Variants in MAD1L1 observed in about 807,000 individuals in gnomAD.
MAD1L1 encodes mitotic arrest deficient 1 like 1.
MAD1L1 carries 95 observed loss-of-function variants against 96.9 expected under a neutral mutation model. That is an observed-to-expected ratio of 0.98 (90% CI 0.83 to 1.16). The LOEUF (loss-of-function observed/expected upper bound fraction) is 1.16. Ranked by LOEUF, MAD1L1 falls within the 50% of genes most tolerant of loss-of-function variation. The pLI, the probability that MAD1L1 is intolerant of heterozygous loss-of-function variation, is 0.00. For synonymous variants in MAD1L1, 473 were observed against 396.6 expected (o/e 1.19, Z -2.29); for missense variants, 1,007 against 954.4 (o/e 1.06, Z -0.73).
At chr7:2,105,947 A>C (rs1787067914) in intron 11 of MAD1L1, among the ~76,000 whole-genome samples, 1 of 147,236 alleles carries the variant, frequency 6.8e-6, no homozygotes, top group Non-Finnish European at 1.5e-5. Context: ...CGGCCCCACA[A>C]CCAAAGGGCA....
At chr7:1,855,125 G>A (rs1019385010) in intron 18 of MAD1L1, among the ~76,000 whole-genome samples, 2 of 152,148 alleles carry the variant, frequency 1.3e-5, no homozygotes, top group African/African-American at 2.4e-5. Context: ...CGTGTTTGCC[G>A]GCCGACAGCT....
rs565751848 is a variant in MAD1L1, at chr7:2,114,559, G to A, written c.1073+34593C>T. On this transcript the variant is annotated intron_variant, in intron 11 of 18. Coordinates refer to ENST00000265854, the MANE Select transcript of MAD1L1 (RefSeq NM_001013836.2). This position sits in a 1 kb window ranked among gnomAD's most constrained non-coding sequence, Gnocchi z 4.2. ...CCAAGCCGACGTCACGTGGCAGAAG[G>A]ATCTTCATGAAGATGAGCATGGCTA... Among the ~76,000 whole-genome samples, 26 of 152,268 alleles carry A rather than the reference G, an allele frequency of 1.7e-4. No homozygotes were observed. The highest frequency in any genetic ancestry group is 4.1e-4 in the South Asian group (2 of 4,836).
chr7:2,032,054 C>A (rs1783251275), intron 12 of MAD1L1, among the ~76,000 whole-genome samples: 1 of 152,246 alleles, frequency 6.6e-6, no homozygotes, highest in African/African-American at 2.4e-5. Flanking sequence ...GGGTAACAGG[C>A]AGGCAGCCAG....
chr7:1,992,295 GTCTC>G (rs1333214581), intron 14 of MAD1L1, among the ~76,000 whole-genome samples: 3 of 152,210 alleles, frequency 2.0e-5, no homozygotes, highest in East Asian at 3.8e-4. Flanking sequence ...GATGGGTGGT[GTCTC>G]TCTATGTGGC....
In MAD1L1 at chr7:1,974,848, G is replaced by GCTGGGGAC. The variant is rs896066022; in HGVS notation, c.1505+5597_1505+5604dup. On this transcript the variant is annotated intron_variant, in intron 15 of 18. Coordinates refer to ENST00000265854, the MANE Select transcript of MAD1L1 (RefSeq NM_001013836.2). Reference sequence around the variant, plus strand: ...CAGAGTGTTCGGGTAACCTGAGGATGCTGGGGACCAGGGGACCAGGGGAGG... The same window carrying GCTGGGGAC: ...CAGAGTGTTCGGGTAACCTGAGGATGCTGGGGACCTGGGGACCAGGGGACCAGGGGAGG... 1.2e-4 allele frequency among the ~76,000 whole-genome samples: 18 copies of GCTGGGGAC among 152,372 alleles called. 1 individual carries two copies. The highest frequency in any genetic ancestry group is 4.6e-4 in the Admixed American group (7 of 15,312).
chr7:2,105,760 G>A (rs1787056670), intron 11 of MAD1L1, among the ~76,000 whole-genome samples: 1 of 152,002 alleles, frequency 6.6e-6, no homozygotes, highest in Non-Finnish European at 1.5e-5. Context: ...GAAAGTCCAG[G>A]CACGTGAGAC....
Position 1,983,132 on chromosome 7 carries a change from ACG to A in MAD1L1, c.1417-2593_1417-2592del, listed in dbSNP as rs141111007. ...TGCACACACGCACACACACCCACAG[ACG>A]CGCGCGCGCGCGCGCGCGCGCACAC... On this transcript the variant is annotated intron_variant, in intron 14 of 18. Coordinates refer to ENST00000265854, the MANE Select transcript of MAD1L1 (RefSeq NM_001013836.2). Among the ~76,000 whole-genome samples the A allele has an allele frequency of 1.7e-3, 247 of 144,862 alleles. 3 individuals are homozygous for A. The highest frequency in any genetic ancestry group is 6.7e-3 in the Admixed American group (99 of 14,872).
intron 11 of MAD1L1, among the ~76,000 whole-genome samples, chr7:2,092,123 G>A (rs918741638): frequency 7.2e-5 from 11 of 152,312 alleles, no homozygotes; most frequent in South Asian, 4.2e-4. Flanking sequence ...GAGAGTTCCT[G>A]TGGCTCCACG....
chr7:2,132,856 C>T lies in MAD1L1; in HGVS notation c.1073+16296G>A, dbSNP rs77235767. 9.1e-3 allele frequency among the ~76,000 whole-genome samples: 1,388 copies of T among 152,312 alleles called. 25 individuals are homozygous for T. Among genetic ancestry groups the T allele is most frequent in the African/African-American group, 0.031 (1,302 of 41,562 alleles). ...ATCTCAGGTTGACAACTGATCCCCACGATTGGAAGCAGGACCTGAGAGGAG... is the reference window on the plus strand; with the variant it reads ...ATCTCAGGTTGACAACTGATCCCCATGATTGGAAGCAGGACCTGAGAGGAG... On this transcript the variant is annotated intron_variant, in intron 11 of 18. Coordinates refer to ENST00000265854, the MANE Select transcript of MAD1L1 (RefSeq NM_001013836.2).
chr7:1,889,319 C>T (rs1217446340), intron 18 of MAD1L1, among the ~76,000 whole-genome samples: 1 of 152,258 alleles, frequency 6.6e-6, no homozygotes, highest in Non-Finnish European at 1.5e-5. Context: ...CGGGCAAGGC[C>T]TCAGATGCTG....
chr7:1,939,657 C>T (rs1266017911), intron 16 of MAD1L1, among the ~76,000 whole-genome samples: 1 of 152,242 alleles, frequency 6.6e-6, no homozygotes, highest in Non-Finnish European at 1.5e-5. Context: ...ACGCACTCTC[C>T]TATCTCCCAG....
chr7:2,174,869 T>C (rs183204066), intron 10 of MAD1L1, among the ~76,000 whole-genome samples: 5 of 152,350 alleles, frequency 3.3e-5, no homozygotes, highest in South Asian at 2.1e-4. Context: ...GCTTGGTCTA[T>C]ACCTTTTACA....
At chr7:2,086,706 C>T (rs1379149456) in intron 11 of MAD1L1, among the ~76,000 whole-genome samples, 1 of 152,208 alleles carries the variant, frequency 6.6e-6, no homozygotes, top group Non-Finnish European at 1.5e-5. Flanking sequence ...TGCCTGCCAC[C>T]ACACCCAGCT....
intron 18 of MAD1L1, among the ~76,000 whole-genome samples, chr7:1,862,458 G>A (rs1378221128): frequency 2.6e-5 from 4 of 152,198 alleles, no homozygotes; most frequent in African/African-American, 7.2e-5. Flanking sequence ...GATTTGTGCC[G>A]GAGAGTCCCG....
intron 16 of MAD1L1, among the ~76,000 whole-genome samples, chr7:1,948,326 A>AC (rs1779328255): frequency 1.4e-5 from 1 of 73,906 alleles, no homozygotes; most frequent in Non-Finnish European, 3.1e-5. Context: ...AACCCCCTCC[A>AC]CCCCCCAGTG....
At chr7:2,129,030 T>A (rs150453646) in intron 11 of MAD1L1, among the ~76,000 whole-genome samples, 1 of 151,744 alleles carries the variant, frequency 6.6e-6, no homozygotes, top group Non-Finnish European at 1.5e-5. Context: ...CTGGGCAGAG[T>A]GGAGGTGGTG....
intron 17 of MAD1L1, among the ~76,000 whole-genome samples, chr7:1,912,108 C>G (rs371388882): frequency 9.2e-5 from 14 of 152,336 alleles, no homozygotes; most frequent in African/African-American, 3.4e-4. Context: ...CCTTCTGACC[C>G]AAAATCCTGA....
intron 18 of MAD1L1, chr7:1,847,524 T>C: frequency 2.1e-6 from 1 of 471,124 alleles, no homozygotes; most frequent in Non-Finnish European, 4.4e-6. Flanking sequence ...GAAGGTTCCA[T>C]GGGAGAGACC....
At chr7:1,981,427 C>T (rs530093497) in intron 14 of MAD1L1, among the ~76,000 whole-genome samples, 97 of 152,258 alleles carry the variant, frequency 6.4e-4, no homozygotes, top group African/African-American at 2.2e-3. Context: ...TGAGGGGCTA[C>T]GTAGGCACCA....
Sources: gnomAD v4.1 joint callset for allele counts (sites outside exome capture counted in the v4.1 genomes callset) on GRCh38, gnomAD v4.1.1 for gene constraint, Gnocchi (gnomAD v3.1) non-coding constraint, MANE v1.5 for transcripts, NCBI Gene and HGNC (gene_info 2026-07-23, HGNC 2026-07-21) for gene names.